SGO1: variants seen among roughly 807,000 people sequenced by gnomAD.
SGO1 encodes serologically defined breast cancer antigen NY-BR-85.
SGO1 carries 39 observed loss-of-function variants against 50.5 expected under a neutral mutation model. The ratio of observed to expected loss-of-function variants is 0.77; its 90% CI spans 0.60 to 1.01. The LOEUF (loss-of-function observed/expected upper bound fraction) is 1.01. SGO1 is among the 50% of genes least tolerant of loss of function. The pLI, the probability that SGO1 is intolerant of heterozygous loss-of-function variation, is 0.00. For missense variants in SGO1, 638 were observed against 606.0 expected, an observed-to-expected ratio of 1.05 and a Z score of -0.55; for synonymous variants, 191 against 205.1, an observed-to-expected ratio of 0.93 and a Z score of 0.59.
At chr3:20,166,100 A>G (rs1410432563), downstream of SGO1, among the ~76,000 whole-genome samples, 1 of 152,162 alleles carries the variant, frequency 6.6e-6, no homozygotes, top group South Asian at 2.1e-4. Context: ...TATTAAAAAA[A>G]TTATGACTTA....
At chr3:20,165,958 CAGG>C (rs1388012861), downstream of SGO1, among the ~76,000 whole-genome samples, 5 of 152,194 alleles carry the variant, frequency 3.3e-5, no homozygotes, top group Admixed American at 2.6e-4. Context: ...GAGGCTGAGA[CAGG>C]AGAATCGCTG....
At chr3:20,178,493 GAGTA>G (rs1039575067) in intron 3 of SGO1, 146 bp from the exon 4 acceptor site, 9 of 601,760 alleles carry the variant, frequency 1.5e-5, no homozygotes, top group African/African-American at 1.5e-4. Flanking sequence ...CTCAAAAGCA[GAGTA>G]AGTCTTATCC....
At chr3:20,181,066 G>A (rs1444036311) in intron 3 of SGO1, among the ~76,000 whole-genome samples, 2 of 152,156 alleles carry the variant, frequency 1.3e-5, no homozygotes, top group Non-Finnish European at 2.9e-5. Flanking sequence ...GGTGAAGGCT[G>A]AGTGTGCTTG....
rs1700681301 is a variant in SGO1, at chr3:20,171,101, C to T, written c.1414G>A (p.Ala472Thr). The T allele has an allele frequency of 6.2e-7, 1 of 1,612,448 alleles. No individual in the cohort carries two copies. Among genetic ancestry groups the T allele is most frequent in the Admixed American group, 1.7e-5 (1 of 59,660 alleles). Reference sequence around the variant, plus strand: ...GCTGTGCACCTACGTTTAGGCAGAGCCACTGCTGGGCTTGCTTTATTCTTT... The same window carrying T: ...GCTGTGCACCTACGTTTAGGCAGAGTCACTGCTGGGCTTGCTTTATTCTTT... ...PKKNKASPAV[A>T]LPKRRCTASV... The change falls in exon 7 of 8, where the codon GCT becomes ACT. Residue 472 changes from alanine to threonine, a missense_variant. Physicochemically the swap from Ala to Thr is moderately conservative, Grantham distance 58 (BLOSUM62 0). Coordinates refer to ENST00000412997, the MANE Select transcript of SGO1 (RefSeq NM_001199251.3).
In SGO1 at chr3:20,170,037, T is replaced by G; in HGVS notation, c.*667A>C. ...TAGTATCCCCTACTTAAGGGAAAAA[T>G]AGAGATGCCAGAAGCTTATAATTAA... is the stretch of plus-strand genomic sequence containing the variant. On this transcript the variant is annotated 3_prime_UTR_variant, in exon 8 of 8. Transcript: ENST00000412997. 3 of 985,074 alleles carry G rather than the reference T, an allele frequency of 3.0e-6. 1 individual carries two copies. In the South Asian group the frequency reaches 1.4e-4, roughly 46 times the overall value. The allele number at this position is 985,074 out of a possible 1,614,324, so 61.0% of individuals were successfully genotyped here.
chr3:20,173,643 G>C (rs1310184723), intron 6 of SGO1, among the ~76,000 whole-genome samples: 1 of 152,182 alleles, frequency 6.6e-6, no homozygotes, highest in African/African-American at 2.4e-5. Flanking sequence ...ATAAATGTTA[G>C]TTTTACTTGT....
rs115439446 is a variant in SGO1 at position 20,172,206 on chromosome 3, G to A, written c.1283-974C>T. ...CTTTAATGTGTATATGAATCCACAG[G>A]AGGACTTCTTAATGGCCAGGCACGG... On this transcript the variant is annotated intron_variant, in intron 6 of 7. Coordinates refer to ENST00000412997, the MANE Select transcript of SGO1 (RefSeq NM_001199251.3). Among the ~76,000 whole-genome samples, 1,426 of 152,282 alleles carry A rather than the reference G, an allele frequency of 9.4e-3. 19 individuals are homozygous for A. The highest frequency in any genetic ancestry group is 0.032 in the African/African-American group (1,322 of 41,570).
At position 20,183,622 on chromosome 3, in the gene SGO1, C is replaced by T. The variant is rs760379113; in HGVS notation, c.325G>A (p.Val109Ile). ...AATGAAAATACCTGAGCAGGTTCTA[C>T]TGTTTGTTGTGATGTAAGTTTTCCT... ...LKGKLTSQQTVEPAQNQEICS... is the reference protein window; with the variant it reads ...LKGKLTSQQTIEPAQNQEICS... The change falls in exon 3 of 8, where the codon GTA becomes ATA. Residue 109 changes from valine to isoleucine, a missense_variant. Val to Ile is a conservative substitution (Grantham distance 29). Transcript: ENST00000412997. 6.3e-7 allele frequency: 1 copy of T among 1,589,732 alleles called. No individual in the cohort carries two copies. Among genetic ancestry groups the T allele is most frequent in the Non-Finnish European group, 8.5e-7 (1 of 1,172,900 alleles).
At chr3:20,175,388 A>G (rs910361703) in intron 5 of SGO1, among the ~76,000 whole-genome samples, 2 of 152,220 alleles carry the variant, frequency 1.3e-5, no homozygotes, top group Non-Finnish European at 2.9e-5. Flanking sequence ...TCAGATTTTC[A>G]AATTAGGGAT....
At chr3:20,177,984 C>T (rs981580119) in intron 4 of SGO1, among the ~76,000 whole-genome samples, 10 of 151,886 alleles carry the variant, frequency 6.6e-5, no homozygotes, top group African/African-American at 1.7e-4. Context: ...ACATGGTACA[C>T]AGAAAAGTAT....
At chr3:20,163,282 A>T (rs1024482587) in intron 8 of SGO1, among the ~76,000 whole-genome samples, 20 of 152,286 alleles carry the variant, frequency 1.3e-4, no homozygotes, top group African/African-American at 4.8e-4. Flanking sequence ...GCACTCGTTT[A>T]ATTTTACATA....
At chr3:20,172,688 A>G (rs1700887196) in intron 6 of SGO1, among the ~76,000 whole-genome samples, 1 of 150,616 alleles carries the variant, frequency 6.6e-6, no homozygotes, top group South Asian at 2.1e-4. Flanking sequence ...AGGCTCACAC[A>G]TCTGTAATCC....
intron 7 of SGO1, 60 bp from the exon 8 acceptor site, chr3:20,170,875 T>C (rs923089350): frequency 6.5e-7 from 1 of 1,548,240 alleles, no homozygotes; most frequent in Non-Finnish European, 8.7e-7. Context: ...AACTTACTCT[T>C]CCCTACCAAG....
In SGO1 at chr3:20,176,636, TCA is replaced by T. The variant is rs978188567; in HGVS notation, c.438_439del (p.Glu147ThrfsTer25). The T allele has an allele frequency of 3.2e-6, 5 of 1,564,004 alleles. No homozygotes were observed. The African/African-American group carries it at 4.1e-5, about 13-fold the overall frequency. ...AAATGATTCTCCTTGTCCTGGAAGT[TCA>T]GTTTCTTCAAGAGGAATTTGCCTTA... On this transcript the variant is annotated frameshift_variant, in exon 5 of 8. Coordinates refer to ENST00000412997, the MANE Select transcript of SGO1 (RefSeq NM_001199251.3). LOFTEE classifies it high-confidence loss of function.
intron 6 of SGO1, among the ~76,000 whole-genome samples, chr3:20,172,501 CAA>C (rs60237637): frequency 0.039 from 3,955 of 102,584 alleles, 132 homozygotes; most frequent in East Asian, 0.21. Flanking sequence ...AACTCTGTTT[CAA>C]AAAAAAAAAA....
chr3:20,183,857 T>C lies in SGO1; in HGVS notation c.142+29A>G, dbSNP rs200115628. 2.5e-6 allele frequency: 4 copies of C among 1,605,582 alleles called. No homozygotes were observed. In the East Asian group the frequency reaches 8.9e-5, roughly 36 times the overall value. The stretch of plus-strand genomic sequence containing the variant: ...TTATTAAATCTAAACTTAAAAGTGA[T>C]ATAAAAGGACAACATAAAAATCTCT... On this transcript the variant is annotated intron_variant, in intron 2 of 7. Transcript: ENST00000412997.
At chr3:20,174,161 A>T in intron 6 of SGO1, 88 bp downstream of exon 6, 2 of 1,065,980 alleles carry the variant, frequency 1.9e-6, no homozygotes, top group Admixed American at 4.3e-5. Flanking sequence ...TCCACCAGAG[A>T]AACAGATGGT....
intron 3 of SGO1, among the ~76,000 whole-genome samples, chr3:20,183,406 GA>G (rs34597610): frequency 1.7e-4 from 26 of 152,318 alleles, no homozygotes; most frequent in African/African-American, 6.3e-4. Context: ...AAACAGGCAG[GA>G]ACAGGCCTCA....
At chr3:20,162,366 T>C (rs1036471673) in intron 8 of SGO1, among the ~76,000 whole-genome samples, 1 of 152,168 alleles carries the variant, frequency 6.6e-6, no homozygotes, top group African/African-American at 2.4e-5. Context: ...CCCCAGATGC[T>C]TCACATCTTC....
Sources: gnomAD v4.1 joint callset for allele counts (sites outside exome capture counted in the v4.1 genomes callset) on GRCh38, gnomAD v4.1.1 for gene constraint, MANE v1.5 for transcripts, NCBI Gene and HGNC (gene_info 2026-07-23, HGNC 2026-07-21) for gene names.